AGTPBP1: variants seen among roughly 807,000 people sequenced by gnomAD.
The protein encoded by AGTPBP1 is ATP/GTP binding carboxypeptidase 1, also known as cytosolic carboxypeptidase 1.
Under a neutral mutation model 143.9 loss-of-function variants are expected in AGTPBP1, and 70 were observed. The ratio of observed to expected loss-of-function variants is 0.49; its 90% CI spans 0.40 to 0.59. The LOEUF (loss-of-function observed/expected upper bound fraction) is 0.59, where lower values mean the gene tolerates loss of function less well. Ranked by LOEUF, AGTPBP1 falls within the 20% of genes least tolerant of loss-of-function variation. The pLI, the probability that AGTPBP1 is intolerant of heterozygous loss-of-function variation, is 0.00. For synonymous variants in AGTPBP1, 463 were observed against 500.2 expected, an observed-to-expected ratio of 0.93 and a Z score of 0.99; for missense variants, 1,229 against 1,464.5, an observed-to-expected ratio of 0.84 and a Z score of 2.62.
chr9:85,597,116 G>A (rs1418607340), intron 17 of AGTPBP1, among the ~76,000 whole-genome samples: 1 of 151,910 alleles, frequency 6.6e-6, no homozygotes, highest in African/African-American at 2.4e-5. Context: ...TCTAACTTAA[G>A]GATAGAGTCA....
At chr9:85,624,634 G>A (rs919243356) in intron 14 of AGTPBP1, among the ~76,000 whole-genome samples, 17 of 152,232 alleles carry the variant, frequency 1.1e-4, no homozygotes, top group South Asian at 2.1e-4. Flanking sequence ...GAAATCCAGA[G>A]TTTTGTTTTC....
At chr9:85,593,416 A>C (rs1385390230) in intron 18 of AGTPBP1, among the ~76,000 whole-genome samples, 1 of 152,216 alleles carries the variant, frequency 6.6e-6, no homozygotes, top group African/African-American at 2.4e-5. Flanking sequence ...GGGACATGTC[A>C]ACAAAATTCA....
intron 1 of AGTPBP1, among the ~76,000 whole-genome samples, chr9:85,729,733 T>C (rs564233479): frequency 2.0e-5 from 3 of 151,148 alleles, no homozygotes; most frequent in Admixed American, 1.3e-4. Flanking sequence ...AAGACCTGAA[T>C]ACTCTTCCAA....
intron 2 of AGTPBP1, among the ~76,000 whole-genome samples, chr9:85,695,083 A>T (rs2134297210): frequency 6.6e-6 from 1 of 152,228 alleles, no homozygotes. Flanking sequence ...GGTGCCCAAT[A>T]ACCCATTTCC....
chr9:85,575,248 TCTG>T (rs761396258), intron 25 of AGTPBP1, 64 bp downstream of exon 25: 30 of 1,258,336 alleles, frequency 2.4e-5, no homozygotes, highest in Non-Finnish European at 3.1e-5. Context: ...CCATGCCTTT[TCTG>T]CTATTTTAAT....
At chr9:85,694,254 T>G (rs1200468209) in intron 2 of AGTPBP1, among the ~76,000 whole-genome samples, 1 of 152,184 alleles carries the variant, frequency 6.6e-6, no homozygotes, top group African/African-American at 2.4e-5. Flanking sequence ...CCCCTTTCAT[T>G]CTCAAAGTAC....
chr9:85,675,143 A>C (rs113149361), intron 6 of AGTPBP1, among the ~76,000 whole-genome samples: 3,092 of 152,086 alleles, frequency 0.02, 127 homozygotes, highest in African/African-American at 0.07. Flanking sequence ...TGATCTGCCC[A>C]CCTTGGCCTC....
intron 8 of AGTPBP1, among the ~76,000 whole-genome samples, chr9:85,664,188 A>G (rs1174076750): frequency 6.6e-6 from 1 of 152,174 alleles, no homozygotes; most frequent in Non-Finnish European, 1.5e-5. Flanking sequence ...GGGAAGAATT[A>G]CCAAGGGCAC....
chr9:85,775,179 C>T, the AGTPBP1 span, among the ~76,000 whole-genome samples: 2 of 152,058 alleles, frequency 1.3e-5, no homozygotes, highest in Admixed American at 1.3e-4. Flanking sequence ...TGGCACGCAC[C>T]TGTAGTCCCA....
the AGTPBP1 span, among the ~76,000 whole-genome samples, chr9:85,778,927 A>G: frequency 2.6e-5 from 4 of 152,164 alleles, no homozygotes; most frequent in Non-Finnish European, 4.4e-5. Context: ...GCAGTGAATC[A>G]GGAGTGTCAA....
intron 1 of AGTPBP1, among the ~76,000 whole-genome samples, chr9:85,737,946 G>A (rs992875831): frequency 6.6e-6 from 1 of 152,096 alleles, no homozygotes; most frequent in Admixed American, 6.5e-5. Flanking sequence ...ACAACATATT[G>A]CAATAGACTG....
At chr9:85,672,079 T>G (rs1357441757) in intron 7 of AGTPBP1, among the ~76,000 whole-genome samples, 2 of 152,130 alleles carry the variant, frequency 1.3e-5, no homozygotes, top group Non-Finnish European at 2.9e-5. Context: ...AACCTTTTTT[T>G]TTTTTGGTTG....
At chr9:85,596,279 T>C in intron 18 of AGTPBP1, 83 bp downstream of exon 18, 1 of 917,472 alleles carries the variant, frequency 1.1e-6, no homozygotes, top group Non-Finnish European at 1.6e-6. Flanking sequence ...ATAACTCTAC[T>C]GTTTCCTTTT....
intron 25 of AGTPBP1, among the ~76,000 whole-genome samples, chr9:85,549,957 A>G (rs1430217477): frequency 6.6e-6 from 1 of 152,138 alleles, no homozygotes; most frequent in Admixed American, 6.5e-5. Flanking sequence ...ATAACCCACA[A>G]TGGCCCTAAC....
At chr9:85,647,373 G>A (rs972671499) in intron 11 of AGTPBP1, among the ~76,000 whole-genome samples, 1 of 152,230 alleles carries the variant, frequency 6.6e-6, no homozygotes, top group Non-Finnish European at 1.5e-5. Context: ...CATGCTTGGT[G>A]TAAATATAGT....
intron 14 of AGTPBP1, among the ~76,000 whole-genome samples, chr9:85,625,775 C>T (rs1203322228): frequency 6.6e-6 from 1 of 151,480 alleles, no homozygotes; most frequent in Non-Finnish European, 1.5e-5. Context: ...ATCCCAGCTA[C>T]TTGGGAGGCT....
At chr9:85,618,201 C>A (rs1830705332) in intron 17 of AGTPBP1, among the ~76,000 whole-genome samples, 1 of 150,472 alleles carries the variant, frequency 6.6e-6, no homozygotes, top group Non-Finnish European at 1.5e-5. Flanking sequence ...CCACTGCATT[C>A]CAACTTGGGT....
intron 17 of AGTPBP1, among the ~76,000 whole-genome samples, chr9:85,602,142 T>G (rs1052284228): frequency 1.3e-5 from 2 of 151,996 alleles, no homozygotes; most frequent in Non-Finnish European, 2.9e-5. Context: ...CAGCAACAGA[T>G]TCCAACGAGA....
At chr9:85,555,193 G>A (rs1826259957) in intron 25 of AGTPBP1, among the ~76,000 whole-genome samples, 1 of 152,054 alleles carries the variant, frequency 6.6e-6, no homozygotes, top group African/African-American at 2.4e-5. Flanking sequence ...ATCCCAAGTA[G>A]GATAAATACA....
Sources: gnomAD v4.1 joint callset for allele counts (sites outside exome capture counted in the v4.1 genomes callset) on GRCh38, gnomAD v4.1.1 for gene constraint, MANE v1.5 for transcripts, NCBI Gene and HGNC (gene_info 2026-07-23, HGNC 2026-07-21) for gene names.